Variants in DUSP22 observed in about 807,000 individuals in gnomAD.
DUSP22 encodes the protein dual specificity phosphatase 22.
In DUSP22, 24 loss-of-function variants were observed where a neutral mutation model predicts 24.5. The ratio of observed to expected loss-of-function variants is 0.98; its 90% CI spans 0.71 to 1.38. DUSP22 has a LOEUF of 1.38. DUSP22 is among the 40% of genes most tolerant of loss of function. DUSP22 has a pLI of 0.00. For synonymous variants in DUSP22, 160 were observed against 106.4 expected, an observed-to-expected ratio of 1.50 and a Z score of -3.10; for missense variants, 330 against 269.2, an observed-to-expected ratio of 1.23 and a Z score of -1.58.
chr6:322,844 G>C (rs1368729670), intron 3 of DUSP22, among the ~76,000 whole-genome samples: 1 of 138,010 alleles, frequency 7.2e-6, no homozygotes, highest in Non-Finnish European at 1.6e-5. Context: ...GCGGGGGGGG[G>C]CCTTCGAGTC....
chr6:303,245 T>C (rs1757665878), intron 1 of DUSP22, among the ~76,000 whole-genome samples: 1 of 152,308 alleles, frequency 6.6e-6, no homozygotes, highest in African/African-American at 2.4e-5. Context: ...TGTTCCCGTC[T>C]TTCAAGATAG....
At chr6:314,983 T>A (rs997235465) in intron 3 of DUSP22, among the ~76,000 whole-genome samples, 4 of 152,308 alleles carry the variant, frequency 2.6e-5, no homozygotes, top group Non-Finnish European at 5.9e-5. Flanking sequence ...TAGAAGGTAC[T>A]GTTATCAGGC....
chr6:292,830 T>G (rs1213624747), intron 1 of DUSP22, among the ~76,000 whole-genome samples: 1 of 152,284 alleles, frequency 6.6e-6, no homozygotes, highest in African/African-American at 2.4e-5. Context: ...AGCCGCGCCC[T>G]TTGAAAGCGT....
At chr6:343,996 G>T (rs1342883299) in intron 4 of DUSP22, among the ~76,000 whole-genome samples, 3 of 152,308 alleles carry the variant, frequency 2.0e-5, no homozygotes, top group Non-Finnish European at 2.9e-5. Context: ...GAAGACGTTG[G>T]AGAGGTACAT....
chr6:305,966 A>G (rs1312276126), intron 2 of DUSP22, among the ~76,000 whole-genome samples: 1 of 152,312 alleles, frequency 6.6e-6, no homozygotes, highest in East Asian at 1.9e-4. Flanking sequence ...TTCCACACAC[A>G]CACCCGTATC....
intron 1 of DUSP22, among the ~76,000 whole-genome samples, chr6:296,124 C>T (rs898069519): frequency 1.3e-5 from 2 of 152,310 alleles, no homozygotes; most frequent in African/African-American, 4.8e-5. Flanking sequence ...AAAATCACCT[C>T]CTCTCTTCCT....
chr6:316,678 T>A (rs1341560173), intron 3 of DUSP22, among the ~76,000 whole-genome samples: 1 of 152,308 alleles, frequency 6.6e-6, no homozygotes, highest in Non-Finnish European at 1.5e-5. Flanking sequence ...TGTAAAAATT[T>A]CGGTGTTTCA....
At chr6:330,285 T>G (rs912449016) in intron 3 of DUSP22, among the ~76,000 whole-genome samples, 6 of 152,304 alleles carry the variant, frequency 3.9e-5, no homozygotes, top group Non-Finnish European at 7.3e-5. Flanking sequence ...CTCCCCCTCC[T>G]TGTGTTTTGA....
chr6:332,069 G>T (rs1199175823), intron 3 of DUSP22, among the ~76,000 whole-genome samples: 1 of 152,310 alleles, frequency 6.6e-6, no homozygotes, highest in East Asian at 1.9e-4. Flanking sequence ...TCATCTGGCA[G>T]TGTGATCTTT....
At chr6:325,240 C>G (rs1667651574) in intron 3 of DUSP22, 2 of 253,184 alleles carry the variant, frequency 7.9e-6, no homozygotes, top group African/African-American at 4.7e-5. Context: ...AGTGCTATAT[C>G]TGCTGGTGCC....
chr6:307,539 G>C (rs1411640784), intron 2 of DUSP22, among the ~76,000 whole-genome samples: 1 of 152,304 alleles, frequency 6.6e-6, no homozygotes, highest in Non-Finnish European at 1.5e-5. Context: ...GAGCCTCTCT[G>C]TTGAGGCTCC....
At chr6:304,797 C>T in intron 2 of DUSP22, 136 bp downstream of exon 2, 2 of 1,286,688 alleles carry the variant, frequency 1.6e-6, no homozygotes, top group South Asian at 2.4e-5. Context: ...CATCCTTCTG[C>T]AGGACTTTTC....
chr6:302,176 C>T (rs576186569), intron 1 of DUSP22, among the ~76,000 whole-genome samples: 54 of 152,404 alleles, frequency 3.5e-4, no homozygotes, highest in Admixed American at 7.2e-4. Context: ...AGGGAGTGTA[C>T]GTGCACACAG....
Position 304,716 on chromosome 6 carries a change from C to T in DUSP22, c.55+55C>T, listed in dbSNP as rs1172697273. The T allele has an allele frequency of 6.9e-6, 11 of 1,603,218 alleles. No homozygotes were observed. In the Admixed American group the frequency reaches 1.0e-4, roughly 15 times the overall value. On this transcript the variant is annotated intron_variant, in intron 2 of 6. Transcript: ENST00000419235. ...AAAATACACATAACATAAAATGTGT[C>T]ATCTTGACCATTTTAAAGTGTATAG...
At chr6:328,864 TG>T (rs1759008253) in intron 3 of DUSP22, among the ~76,000 whole-genome samples, 1 of 152,308 alleles carries the variant, frequency 6.6e-6, no homozygotes, top group African/African-American at 2.4e-5. Context: ...GCCTATTTTT[TG>T]TGTTGACTTC....
Position 351,210 on chromosome 6 carries a change from C to T in DUSP22, c.*2259C>T, listed in dbSNP as rs889061930. 1.2e-5 allele frequency: 4 copies of T among 329,818 alleles called. No homozygotes were observed. Among genetic ancestry groups the T allele is most frequent in the East Asian group, 6.4e-5 (1 of 15,688 alleles). 20.4% of individuals were successfully genotyped at this position (329,818 alleles called of 1,614,324 possible). The stretch of plus-strand genomic sequence containing the variant: ...GGACGAGCCCAGTGTAGTTGTGTGG[C>T]GTGAACTCTGCCCGTGTGTTCTCAA... On this transcript the variant is annotated 3_prime_UTR_variant, in exon 7 of 7. Coordinates refer to ENST00000419235, the MANE Select transcript of DUSP22 (RefSeq NM_001286555.3).
intron 3 of DUSP22, among the ~76,000 whole-genome samples, chr6:315,377 G>C (rs1210932301): frequency 6.6e-6 from 1 of 152,304 alleles, no homozygotes; most frequent in African/African-American, 2.4e-5. Context: ...ACAAAAACCT[G>C]GACGTTGGGA....
intron 1 of DUSP22, among the ~76,000 whole-genome samples, chr6:295,055 G>A (rs1757262540): frequency 6.6e-6 from 1 of 152,250 alleles, no homozygotes. Context: ...ATATTACTGT[G>A]TGACTTGGAA....
rs1760107394 is a variant in DUSP22, at chr6:349,873, C to T, written c.*922C>T. On this transcript the variant is annotated 3_prime_UTR_variant, in exon 7 of 7. Coordinates refer to ENST00000419235, the MANE Select transcript of DUSP22 (RefSeq NM_001286555.3). The stretch of plus-strand genomic sequence containing the variant: ...CGCACTTTAGCCTAAGTTGGGTGCC[C>T]CAGGGCACCCCCTCCTCTCTGCTCC... 7.1e-6 allele frequency: 7 copies of T among 985,992 alleles called. No homozygotes were observed. The highest frequency in any genetic ancestry group is 8.4e-6 in the Non-Finnish European group (7 of 830,340). The allele number at this position is 985,992 out of a possible 1,614,324, so 61.1% of individuals were successfully genotyped here.
Sources: gnomAD v4.1 joint callset for allele counts (sites outside exome capture counted in the v4.1 genomes callset) on GRCh38, gnomAD v4.1.1 for gene constraint, MANE v1.5 for transcripts, NCBI Gene and HGNC (gene_info 2026-07-23, HGNC 2026-07-21) for gene names.